CSMD1: variants seen among roughly 807,000 people sequenced by gnomAD.
CSMD1 encodes CUB and sushi domain-containing protein 1.
Under a neutral mutation model 417.5 loss-of-function variants are expected in CSMD1, and 213 were observed. That is an observed-to-expected ratio of 0.51 (90% CI 0.46 to 0.57). CSMD1 has a LOEUF of 0.57. CSMD1 is among the 20% of genes least tolerant of loss of function. The pLI, the probability that CSMD1 is intolerant of heterozygous loss-of-function variation, is 0.00. For missense variants in CSMD1, 6,923 were observed against 4,529.7 expected, an observed-to-expected ratio of 1.53 and a Z score of -15.17; for synonymous variants, 2,862 against 1,736.8, an observed-to-expected ratio of 1.65 and a Z score of -16.11.
intron 3 of CSMD1, among the ~76,000 whole-genome samples, chr8:4,120,076 C>G (rs1033191661): frequency 6.6e-6 from 1 of 152,090 alleles, no homozygotes; most frequent in African/African-American, 2.4e-5. Flanking sequence ...ATTTGTAATA[C>G]AAAGGATAAA....
At chr8:4,792,523 T>C (rs1797747353) in intron 1 of CSMD1, among the ~76,000 whole-genome samples, 1 of 152,202 alleles carries the variant, frequency 6.6e-6, no homozygotes, top group Non-Finnish European at 1.5e-5. Flanking sequence ...CTGTCTGTGC[T>C]TTGGGTGATC....
At chr8:3,407,100 TGGATGGAAAGATGAATGGAA>T (rs1563355583) in intron 14 of CSMD1, among the ~76,000 whole-genome samples, 3 of 151,724 alleles carry the variant, frequency 2.0e-5, no homozygotes, top group African/African-American at 7.3e-5. Flanking sequence ...AATGGAGGGA[TGGATGGAAAGATGAATGGAA>T]GGATGGATGG....
At chr8:3,586,634 C>T (rs1054619316) in intron 8 of CSMD1, among the ~76,000 whole-genome samples, 16 of 151,914 alleles carry the variant, frequency 1.1e-4, no homozygotes, top group African/African-American at 3.9e-4. Flanking sequence ...TGTCATTCAT[C>T]GTGAATAAAT....
chr8:3,562,524 T>A (rs955525361), intron 10 of CSMD1, among the ~76,000 whole-genome samples: 17 of 152,156 alleles, frequency 1.1e-4, no homozygotes, highest in African/African-American at 4.1e-4. Flanking sequence ...CAAAATTTAT[T>A]TTAGCCTGCT....
At chr8:4,262,122 G>A (rs528113083) in intron 3 of CSMD1, among the ~76,000 whole-genome samples, 2 of 152,038 alleles carry the variant, frequency 1.3e-5, no homozygotes, top group South Asian at 2.1e-4. Context: ...TTCCTATAGA[G>A]AATTGTTAGA....
chr8:3,462,950 C>G (rs754490609), intron 12 of CSMD1, among the ~76,000 whole-genome samples: 1 of 152,134 alleles, frequency 6.6e-6, no homozygotes, highest in Non-Finnish European at 1.5e-5. Context: ...GGATTAGTGC[C>G]CTTGTGAAGG....
intron 54 of CSMD1, among the ~76,000 whole-genome samples, chr8:2,990,040 C>T (rs371753202): frequency 1.3e-5 from 2 of 152,146 alleles, no homozygotes; most frequent in Non-Finnish European, 2.9e-5. Context: ...ACACCTAAGA[C>T]GTGAAGACAT....
rs187576237 is a variant in CSMD1 at position 3,974,063 on chromosome 8, T to C, written c.818+23840A>G. On this transcript the variant is annotated intron_variant, in intron 5 of 69. Transcript: ENST00000635120. Reference sequence around the variant, plus strand: ...GTTATCATTGACTATAGTCTCCTCGTTGTGCTCTGAAATGGTAGGTCTTAT... The same window carrying C: ...GTTATCATTGACTATAGTCTCCTCGCTGTGCTCTGAAATGGTAGGTCTTAT... Among the ~76,000 whole-genome samples, 242 of 152,256 alleles carry C rather than the reference T, an allele frequency of 1.6e-3. 1 individual carries two copies. The highest frequency in any genetic ancestry group is 3.4e-3 in the Middle Eastern group (1 of 294).
At chr8:3,778,496 G>A (rs1475957246) in intron 5 of CSMD1, among the ~76,000 whole-genome samples, 1 of 152,186 alleles carries the variant, frequency 6.6e-6, no homozygotes, top group African/African-American at 2.4e-5. Context: ...TAGTCCCATT[G>A]CCCCCATCCC....
chr8:4,303,262 A>G (rs1027509207), intron 3 of CSMD1, among the ~76,000 whole-genome samples: 4 of 152,188 alleles, frequency 2.6e-5, no homozygotes, highest in African/African-American at 9.6e-5. Context: ...CATGAAATAT[A>G]AAAGAAAACA....
intron 2 of CSMD1, among the ~76,000 whole-genome samples, chr8:4,498,161 C>A (rs1389547361): frequency 6.6e-6 from 1 of 152,130 alleles, no homozygotes; most frequent in East Asian, 1.9e-4. Flanking sequence ...GAGGGACACG[C>A]AGTTATCTTT....
At chr8:3,446,982 G>C (rs1047049641) in intron 12 of CSMD1, among the ~76,000 whole-genome samples, 6 of 152,170 alleles carry the variant, frequency 3.9e-5, no homozygotes, top group East Asian at 1.9e-4. Flanking sequence ...CAAAGGAGTT[G>C]AAGATGTAAA....
intron 2 of CSMD1, among the ~76,000 whole-genome samples, chr8:4,528,604 C>A (rs758600826): frequency 3.8e-4 from 58 of 152,068 alleles, no homozygotes; most frequent in Non-Finnish European, 6.2e-4. Flanking sequence ...AAACATAAAG[C>A]AAAAGGAAAT....
chr8:3,745,842 TA>T (rs1797040991), intron 6 of CSMD1, among the ~76,000 whole-genome samples: 1 of 152,222 alleles, frequency 6.6e-6, no homozygotes, highest in Non-Finnish European at 1.5e-5. Context: ...CAGCTGTGAA[TA>T]ATCTGTGGTT....
chr8:3,142,581 C>T lies in CSMD1; in HGVS notation c.6125G>A (p.Gly2042Glu), dbSNP rs1455397155. Residue 2042 changes from glycine to glutamate, a missense_variant, in exon 41 of 70, where the codon GGA becomes GAA. Gly to Glu is a moderately conservative substitution (Grantham distance 98, BLOSUM62 -2). Transcript: ENST00000635120. ...NGPYHTSPMI[G>E]QFSGTDLPAA... ...GGGGAGATCCGTGCCGCTAAATTGT[C>T]CAATCATGGGGCTGGTGTGGTAAGG... 1.2e-6 allele frequency: 2 copies of T among 1,613,758 alleles called. No individual in the cohort carries two copies. The highest frequency in any genetic ancestry group is 1.7e-6 in the Non-Finnish European group (2 of 1,179,876).
chr8:3,156,070 C>G (rs950580668), intron 39 of CSMD1, among the ~76,000 whole-genome samples: 8 of 152,190 alleles, frequency 5.3e-5, no homozygotes, highest in African/African-American at 1.9e-4. Flanking sequence ...GTGCCCACAC[C>G]ACACTACGCC....
At chr8:4,187,900 A>T (rs1462896124) in intron 3 of CSMD1, among the ~76,000 whole-genome samples, 1 of 152,084 alleles carries the variant, frequency 6.6e-6, no homozygotes, top group Non-Finnish European at 1.5e-5. Context: ...CTGGCATGAT[A>T]TCATGCATTT....
At chr8:3,692,771 T>G (rs1045655775) in intron 7 of CSMD1, among the ~76,000 whole-genome samples, 2 of 152,190 alleles carry the variant, frequency 1.3e-5, no homozygotes, top group Non-Finnish European at 2.9e-5. Context: ...GAGGCCCATG[T>G]GCCTTTTACT....
At position 4,188,833 on chromosome 8, in the gene CSMD1, A is replaced by AT. The variant is rs201050150; in HGVS notation, c.416-156735dup. On this transcript the variant is annotated intron_variant, in intron 3 of 69. Coordinates refer to ENST00000635120, the MANE Select transcript of CSMD1 (RefSeq NM_033225.6). ...GGGGAGGATGGTAATTGGGAGGGAT[A>AT]TTAAAAAAAAAAACGAAATGTTTCT... is the stretch of plus-strand genomic sequence containing the variant. Among the ~76,000 whole-genome samples the AT allele has an allele frequency of 2.6e-3, 390 of 147,350 alleles. 2 individuals are homozygous for AT. The highest frequency in any genetic ancestry group is 4.1e-3 in the Non-Finnish European group (274 of 66,256).
Sources: allele counts gnomAD v4.1 joint callset (sites outside exome capture counted in the v4.1 genomes callset), GRCh38; gene constraint gnomAD v4.1.1; transcripts MANE v1.5; gene names NCBI Gene and HGNC (gene_info 2026-07-23, HGNC 2026-07-21).